The following LRRCC1 variants were observed in gnomAD, a reference collection of about 807,000 sequenced individuals.
The protein encoded by LRRCC1 is leucine-rich repeat and coiled-coil domain-containing protein 1.
LRRCC1 carries 115 observed loss-of-function variants against 126.0 expected under a neutral mutation model. That is an observed-to-expected ratio of 0.91 (90% CI 0.78 to 1.07). The LOEUF (loss-of-function observed/expected upper bound fraction) is 1.07. Among genes scored for constraint, LRRCC1 ranks in the 50% least tolerant of loss-of-function variants. LRRCC1 has a pLI of 0.00. For synonymous variants in LRRCC1, 400 were observed against 393.4 expected (o/e 1.02, Z -0.20); for missense variants, 1,172 against 1,175.7 (o/e 1.00, Z 0.05).
At chr8:85,136,032 AG>A in intron 14 of LRRCC1, 69 bp downstream of exon 14, 1 of 1,295,098 alleles carries the variant, frequency 7.7e-7, no homozygotes, top group Middle Eastern at 2.0e-4. Flanking sequence ...GGTATTGGAG[AG>A]AAAAAGACTC....
At chr8:85,116,499 C>T (rs575542022) in intron 6 of LRRCC1, among the ~76,000 whole-genome samples, 7 of 151,964 alleles carry the variant, frequency 4.6e-5, no homozygotes, top group South Asian at 2.1e-4. Flanking sequence ...CAGCCTCCTG[C>T]GTAGCTGGGA....
In LRRCC1 at chr8:85,134,998, C is replaced by T. The variant is rs1234276402; in HGVS notation, c.2120C>T (p.Ser707Phe). The change falls in exon 13 of 19, where the codon TCT (serine) becomes TTT (phenylalanine). Residue 707 changes from serine to phenylalanine, a missense_variant. Coordinates refer to ENST00000360375, the MANE Select transcript of LRRCC1 (RefSeq NM_033402.5). ...KEQKTKLAEV[S>F]KLKQETAANL... ...CAAAAAACAAAACTGGCAGAAGTTT[C>T]TAAATTGAAACAAGAAACAGCAGCA... The T allele has an allele frequency of 6.5e-7, 1 of 1,543,900 alleles. No homozygotes were observed. The highest frequency in any genetic ancestry group is 8.6e-7 in the Non-Finnish European group (1 of 1,156,136).
At position 85,107,315 on chromosome 8, in the gene LRRCC1, T is replaced by TGGTGGC. The variant is rs766588880; in HGVS notation, c.23_28dup (p.Val8_Ala9dup). The TGGTGGC allele has an allele frequency of 1.9e-6, 3 of 1,611,496 alleles. No homozygotes were observed. The Admixed American group carries it at 5.0e-5, about 27-fold the overall frequency. On this transcript the variant is annotated inframe_insertion, in exon 1 of 19. Coordinates refer to ENST00000360375, the MANE Select transcript of LRRCC1 (RefSeq NM_033402.5). Reference sequence around the variant, plus strand: ...AGTGCTATGGAGGCGGCGGCGGCGGTGGTGGCGGCAGAGGCGGAAGTGGAA... The same window carrying TGGTGGC: ...AGTGCTATGGAGGCGGCGGCGGCGGTGGTGGCGGTGGCGGCAGAGGCGGAAGTGGAA...
At chr8:85,126,912 T>C (rs1810055412) in intron 9 of LRRCC1, 75 bp downstream of exon 9, 1 of 1,285,692 alleles carries the variant, frequency 7.8e-7, no homozygotes, top group African/African-American at 1.5e-5. Context: ...AATACATTAG[T>C]TTCAGTGTGG....
chr8:85,134,735 C>A, intron 12 of LRRCC1, 112 bp from the exon 13 acceptor site: 1 of 666,892 alleles, frequency 1.5e-6, no homozygotes, highest in Non-Finnish European at 2.4e-6. Context: ...TAGATTGAAA[C>A]AGATTATCTT....
chr8:85,130,135 A>ATT (rs11312968), intron 11 of LRRCC1, 77 bp downstream of exon 11: 1,834 of 627,254 alleles, frequency 2.9e-3, no homozygotes, highest in Non-Finnish European at 3.3e-3. Context: ...CACTACCAGT[A>ATT]TTTTTTTTTT....
chr8:85,144,716 G>A lies in LRRCC1; in HGVS notation c.2977-673G>A, dbSNP rs1383078409. 3.5e-5 allele frequency among the ~76,000 whole-genome samples: 5 copies of A among 144,040 alleles called. No individual in the cohort carries two copies. The South Asian group carries it at 6.6e-4, about 19-fold the overall frequency. The allele number at this position is 144,040 out of a possible 152,430, so 94.5% of individuals were successfully genotyped here. A position where few individuals can be genotyped will look rare whatever the true frequency, so the allele number is the denominator to read the frequency against. ...TGACCTCAAGTGATCTGCCCACTTC[G>A]GCCTCCCAAAGTGCTGGGATTACAG... is the stretch of plus-strand genomic sequence containing the variant. On this transcript the variant is annotated intron_variant, in intron 18 of 18. Coordinates refer to ENST00000360375, the MANE Select transcript of LRRCC1 (RefSeq NM_033402.5).
intron 6 of LRRCC1, among the ~76,000 whole-genome samples, chr8:85,122,345 C>G (rs1264233152): frequency 1.3e-5 from 2 of 152,162 alleles, no homozygotes; most frequent in Admixed American, 1.3e-4. Context: ...CTGCTCCATT[C>G]TCTCTTCTCT....
rs1810376019 is a variant in LRRCC1, at chr8:85,130,359, G to A, written c.1766+301G>A. On this transcript the variant is annotated intron_variant, in intron 11 of 18. Coordinates refer to ENST00000360375, the MANE Select transcript of LRRCC1 (RefSeq NM_033402.5). ...GGGTTTCACCATGTTAACCAGGATG[G>A]TCTCGATCTCCTGACCTCATGATCT... Among the ~76,000 whole-genome samples the A allele has an allele frequency of 2.6e-5, 4 of 151,482 alleles. No homozygotes were observed. The South Asian group carries it at 8.4e-4, about 32-fold the overall frequency.
At chr8:85,141,188 C>T (rs1811224324) in intron 17 of LRRCC1, among the ~76,000 whole-genome samples, 194 bp from the exon 18 acceptor site, 1 of 152,040 alleles carries the variant, frequency 6.6e-6, no homozygotes, top group Non-Finnish European at 1.5e-5. Flanking sequence ...TAATGTTATC[C>T]TAATAGATTC....
chr8:85,122,762 G>A (rs1015487427), intron 6 of LRRCC1, among the ~76,000 whole-genome samples: 1 of 152,074 alleles, frequency 6.6e-6, no homozygotes, highest in Non-Finnish European at 1.5e-5. Context: ...TTCTTCCTAC[G>A]GCAAGCAATT....
rs552899520 is a variant in LRRCC1 at position 85,143,462 on chromosome 8, A to G, written c.2977-1927A>G. 1.4e-4 allele frequency among the ~76,000 whole-genome samples: 21 copies of G among 152,124 alleles called. 2 individuals carry two copies. The South Asian group carries it at 4.4e-3, about 32-fold the overall frequency. Reference sequence around the variant, plus strand: ...AGACCAGCCTGGGCAACATAGCAAGACCTTGTCGCTACAAAAAAATGTGTT... The same window carrying G: ...AGACCAGCCTGGGCAACATAGCAAGGCCTTGTCGCTACAAAAAAATGTGTT... On this transcript the variant is annotated intron_variant, in intron 18 of 18. Transcript: ENST00000360375.
chr8:85,128,221 T>C (rs1195175019), intron 9 of LRRCC1, among the ~76,000 whole-genome samples: 1 of 152,200 alleles, frequency 6.6e-6, no homozygotes, highest in African/African-American at 2.4e-5. Flanking sequence ...TACTTTATTC[T>C]GTATTCTAGG....
At chr8:85,108,761 A>G (rs941389311) in intron 1 of LRRCC1, 2 of 152,202 alleles carry the variant, frequency 1.3e-5, no homozygotes, top group African/African-American at 4.8e-5. Context: ...CTGCTACTCA[A>G]CCTACAGCAG....
intron 6 of LRRCC1, among the ~76,000 whole-genome samples, chr8:85,119,291 C>G (rs548141084): frequency 2.0e-5 from 3 of 152,120 alleles, no homozygotes; most frequent in South Asian, 2.1e-4. Flanking sequence ...ATGAAAATCT[C>G]TTTCATTACT....
intron 18 of LRRCC1, among the ~76,000 whole-genome samples, chr8:85,144,465 TATATA>T (rs1563963509): frequency 3.3e-4 from 17 of 52,052 alleles, no homozygotes; most frequent in African/African-American, 1.1e-3. Context: ...TATATATATA[TATATA>T]TATATTTTTT....
intron 4 of LRRCC1, 100 bp downstream of exon 4, chr8:85,113,199 T>G: frequency 1.2e-6 from 1 of 822,268 alleles, no homozygotes; most frequent in Non-Finnish European, 1.9e-6. Flanking sequence ...GTCTTCAGCT[T>G]TGCAACATTT....
At chr8:85,113,793 C>T (rs914780915) in intron 4 of LRRCC1, among the ~76,000 whole-genome samples, 5 of 151,976 alleles carry the variant, frequency 3.3e-5, no homozygotes, top group African/African-American at 1.2e-4. Context: ...GCTGGTGCTG[C>T]TGAAATGCTA....
At chr8:85,139,145 T>C (rs1811076731) in intron 17 of LRRCC1, among the ~76,000 whole-genome samples, 1 of 152,174 alleles carries the variant, frequency 6.6e-6, no homozygotes, top group Non-Finnish European at 1.5e-5. Context: ...GATATTTTAG[T>C]TGTTGAAAGT....
Sources: gnomAD v4.1 joint callset for allele counts (sites outside exome capture counted in the v4.1 genomes callset) on GRCh38, gnomAD v4.1.1 for gene constraint, MANE v1.5 for transcripts, NCBI Gene and HGNC (gene_info 2026-07-23, HGNC 2026-07-21) for gene names.